The following TRHDE variants were observed in gnomAD, a reference collection of about 807,000 sequenced individuals.
TRHDE encodes thyrotropin releasing hormone degrading enzyme.
In TRHDE, 72 loss-of-function variants were observed where a neutral mutation model predicts 125.7. That is an observed-to-expected ratio of 0.57 (90% CI 0.47 to 0.70). The LOEUF (loss-of-function observed/expected upper bound fraction) is 0.70, where lower values mean the gene tolerates loss of function less well. TRHDE is among the 30% of genes least tolerant of loss of function. The probability of loss-of-function intolerance (pLI) is 0.00; values close to 1 mark genes in which losing one functional copy is unlikely to be tolerated. For missense variants in TRHDE, 1,110 were observed against 1,327.1 expected (o/e 0.84, Z 2.54); for synonymous variants, 509 against 509.1 (o/e 1.00, Z 0.00).
chr12:72,599,408 T>G (rs115928845), intron 12 of TRHDE, among the ~76,000 whole-genome samples: 1,612 of 152,232 alleles, frequency 0.011, 31 homozygotes, highest in African/African-American at 0.037. Context: ...TTTTTAATAA[T>G]AGCCATTCTG....
At chr12:72,496,446 C>T (rs1877922146) in intron 5 of TRHDE, among the ~76,000 whole-genome samples, 1 of 152,150 alleles carries the variant, frequency 6.6e-6, no homozygotes, top group Non-Finnish European at 1.5e-5. Flanking sequence ...TGAGCCTGTG[C>T]AGGGGAATTT....
intron 2 of TRHDE, among the ~76,000 whole-genome samples, chr12:72,249,439 T>A (rs1878636956): frequency 6.6e-6 from 1 of 152,058 alleles, no homozygotes; most frequent in Non-Finnish European, 1.5e-5. Context: ...GTAATCCCAG[T>A]TACTCTGGAG....
rs563627295 is a variant in TRHDE at position 72,634,587 on chromosome 12, G to A, written c.2675+12836G>A. On this transcript the variant is annotated intron_variant, in intron 15 of 18. Transcript: ENST00000261180. ...ACATATGTATACATGTGCCATGCTGGTACGCTGCAACCACTAACTCGTCAT... is the reference window on the plus strand; with the variant it reads ...ACATATGTATACATGTGCCATGCTGATACGCTGCAACCACTAACTCGTCAT... 3.3e-5 allele frequency among the ~76,000 whole-genome samples: 5 copies of A among 151,950 alleles called. No homozygotes were observed. In the East Asian group the frequency reaches 9.7e-4, roughly 30 times the overall value.
intron 6 of TRHDE, among the ~76,000 whole-genome samples, chr12:72,529,841 G>A (rs918726090): frequency 2.0e-5 from 3 of 151,980 alleles, no homozygotes; most frequent in Non-Finnish European, 4.4e-5. Context: ...ACTCTCATCT[G>A]ATTACTCTGC....
intron 2 of TRHDE, among the ~76,000 whole-genome samples, chr12:72,373,617 G>A: frequency 6.6e-6 from 1 of 152,168 alleles, no homozygotes; most frequent in East Asian, 1.9e-4. Context: ...AAACAATAAA[G>A]CAAGAAAAGG....
intron 2 of TRHDE, among the ~76,000 whole-genome samples, chr12:72,207,711 A>G (rs546478987): frequency 6.6e-5 from 10 of 152,226 alleles, no homozygotes; most frequent in South Asian, 4.2e-4. Context: ...TCCTTTGTAT[A>G]CAGCAAACTA....
chr12:72,622,472 T>C (rs1459895392), intron 15 of TRHDE, among the ~76,000 whole-genome samples: 2 of 152,084 alleles, frequency 1.3e-5, no homozygotes, highest in African/African-American at 4.8e-5. Context: ...TTTTACACTT[T>C]GGACAACTGA....
chr12:72,515,769 T>C (rs946056941), intron 6 of TRHDE, among the ~76,000 whole-genome samples: 1 of 152,026 alleles, frequency 6.6e-6, no homozygotes, highest in Non-Finnish European at 1.5e-5. Flanking sequence ...GTTTTTATGG[T>C]TTTAGGTCTA....
chr12:72,561,296 A>G (rs553590652), intron 7 of TRHDE, among the ~76,000 whole-genome samples: 2 of 150,284 alleles, frequency 1.3e-5, no homozygotes, highest in East Asian at 4.0e-4. Flanking sequence ...TCTTTTCAGT[A>G]CTTTGATATA....
chr12:72,599,851 C>T (rs1872136039), intron 12 of TRHDE, among the ~76,000 whole-genome samples: 1 of 151,976 alleles, frequency 6.6e-6, no homozygotes, highest in Admixed American at 6.6e-5. Context: ...CCTATATTTT[C>T]TTTTAGGGTT....
At position 72,410,998 on chromosome 12, in the gene TRHDE, C is replaced by G. The variant is rs540330633; in HGVS notation, c.1315+32877C>G. Among the ~76,000 whole-genome samples, 472 of 152,076 alleles carry G rather than the reference C, an allele frequency of 3.1e-3. 1 individual carries two copies. Among genetic ancestry groups the G allele is most frequent in the African/African-American group, 0.011 (438 of 41,500 alleles). On this transcript the variant is annotated intron_variant, in intron 3 of 18. Transcript: ENST00000261180. ...ACGAGGTCAGGAGATTGAGACCATC[C>G]TGGCTAACACAGTGAAACCACGTCT...
intron 3 of TRHDE, among the ~76,000 whole-genome samples, chr12:72,466,826 C>A (rs889321331): frequency 6.6e-6 from 1 of 152,136 alleles, no homozygotes; most frequent in Non-Finnish European, 1.5e-5. Flanking sequence ...CCCACCCCAT[C>A]GATCAATCAC....
chr12:72,152,546 C>G (rs923037891), intron 2 of TRHDE, among the ~76,000 whole-genome samples: 30 of 152,100 alleles, frequency 2.0e-4, no homozygotes, highest in African/African-American at 7.2e-4. Context: ...TCATAGATAG[C>G]TCTTATTATT....
intron 2 of TRHDE, among the ~76,000 whole-genome samples, chr12:72,198,936 A>G (rs1209639609): frequency 6.6e-6 from 1 of 150,710 alleles, no homozygotes; most frequent in Non-Finnish European, 1.5e-5. Flanking sequence ...GAAGCAGGAG[A>G]GAGAGAGAGA....
At chr12:72,548,344 T>A (rs1454257815) in intron 7 of TRHDE, among the ~76,000 whole-genome samples, 1 of 151,830 alleles carries the variant, frequency 6.6e-6, no homozygotes, top group Non-Finnish European at 1.5e-5. Flanking sequence ...ATTTCTCACC[T>A]TACAGCATCT....
intron 2 of TRHDE, among the ~76,000 whole-genome samples, chr12:72,168,323 A>G (rs1268444294): frequency 6.6e-6 from 1 of 152,208 alleles, no homozygotes; most frequent in Non-Finnish European, 1.5e-5. Context: ...GATACCAATC[A>G]GAAGCATCTT....
At chr12:72,341,169 A>G (rs886155116) in intron 2 of TRHDE, among the ~76,000 whole-genome samples, 2 of 151,004 alleles carry the variant, frequency 1.3e-5, no homozygotes, top group Non-Finnish European at 2.9e-5. Context: ...GTTCTAGGGT[A>G]CATGTGCAAA....
At chr12:72,138,978 G>A (rs1032041448) in intron 2 of TRHDE, among the ~76,000 whole-genome samples, 13 of 152,162 alleles carry the variant, frequency 8.5e-5, no homozygotes, top group African/African-American at 3.1e-4. Context: ...ATAAAAAAGG[G>A]GTATCTCAAC....
At chr12:72,260,575 C>G (rs1191496553) in intron 2 of TRHDE, among the ~76,000 whole-genome samples, 2 of 151,944 alleles carry the variant, frequency 1.3e-5, no homozygotes, top group African/African-American at 2.4e-5. Context: ...CTATAAGAAA[C>G]AAGAGTTTAT....
Sources: allele counts gnomAD v4.1 joint callset (sites outside exome capture counted in the v4.1 genomes callset), GRCh38; gene constraint gnomAD v4.1.1; transcripts MANE v1.5; gene names NCBI Gene and HGNC (gene_info 2026-07-23, HGNC 2026-07-21).